KNDC1: variants seen among roughly 807,000 people sequenced by gnomAD.
KNDC1 encodes the protein kinase non-catalytic C-lobe domain containing 1.
KNDC1 carries 106 observed loss-of-function variants against 172.8 expected under a neutral mutation model. The observed-to-expected ratio is 0.61, with a 90% CI of 0.52 to 0.72. KNDC1 has a LOEUF of 0.72. KNDC1 is among the 30% of genes least tolerant of loss of function. KNDC1 has a pLI of 0.00. For synonymous variants in KNDC1, 1,083 were observed against 1,062.2 expected (o/e 1.02, Z -0.38); for missense variants, 2,325 against 2,394.5 (o/e 0.97, Z 0.61).
chr10:133,182,081 C>G (rs1432882168), intron 3 of KNDC1, among the ~76,000 whole-genome samples: 3 of 152,128 alleles, frequency 2.0e-5, no homozygotes, highest in Non-Finnish European at 2.9e-5. Context: ...CTGGCTGGGT[C>G]CCTGCAGCCT....
chr10:133,167,610 C>G, intron 2 of KNDC1, 31 bp downstream of exon 2: 1 of 1,545,460 alleles, frequency 6.5e-7, no homozygotes, highest in Non-Finnish European at 8.7e-7. Flanking sequence ...GCGGCGGCGG[C>G]GGGCACGCGG....
intron 17 of KNDC1, among the ~76,000 whole-genome samples, chr10:133,206,293 C>T (rs1845191270): frequency 6.6e-6 from 1 of 152,282 alleles, no homozygotes; most frequent in African/African-American, 2.4e-5. Context: ...CTGCCACCCC[C>T]TGCCCCCAGC....
At position 133,220,029 on chromosome 10, in the gene KNDC1, C is replaced by G; in HGVS notation, c.4935C>G (p.Ala1645=). The G allele has an allele frequency of 6.4e-7, 1 of 1,556,266 alleles. No homozygotes were observed. The highest frequency in any genetic ancestry group is 8.7e-7 in the Non-Finnish European group (1 of 1,149,866). Residue 1645 remains alanine (A), a synonymous_variant, in exon 29 of 30, where the codon GCC becomes GCG. Transcript: ENST00000304613. ...RFRAQPTLPS[A]HLLAMHIQQL... ...GGGCGCAGCCCACCCTGCCCTCGGC[C>G]CACCTCCTGGCCATGCACATCCAGC...
Position 133,167,374 on chromosome 10 carries a change from T to G in KNDC1, c.103-7T>G, listed in dbSNP as rs1205179487. 3.2e-6 allele frequency: 5 copies of G among 1,570,994 alleles called. No homozygotes were observed. The highest frequency in any genetic ancestry group is 4.3e-6 in the Non-Finnish European group (5 of 1,158,860). ...GCCGGGCTCACGGCCAGGGCCGGTCTTGGCAGGAGAACGTGTCTCTGGCTG... is the reference window on the plus strand; with the variant it reads ...GCCGGGCTCACGGCCAGGGCCGGTCGTGGCAGGAGAACGTGTCTCTGGCTG... On this transcript the variant is annotated splice_polypyrimidine_tract_variant and splice_region_variant and intron_variant, in intron 1 of 29. Transcript: ENST00000304613.
chr10:133,224,623 T>G lies in KNDC1; in HGVS notation c.5019-36T>G, dbSNP rs541661554. On this transcript the variant is annotated intron_variant, in intron 29 of 29. Transcript: ENST00000304613. The surrounding 1 kb of genome is among the most constrained non-coding windows in gnomAD (Gnocchi z 5.4). ...CCCCACGGAAGCCGCGCCCCTGCCC[T>G]GTGCAAACTAACGTCTCTTCTTTCC... The G allele has an allele frequency of 6.4e-7, 1 of 1,556,110 alleles. No individual in the cohort carries two copies. Among genetic ancestry groups the G allele is most frequent in the African/African-American group, 1.4e-5 (1 of 73,908 alleles).
At chr10:133,166,027 G>T (rs907291525) in intron 1 of KNDC1, among the ~76,000 whole-genome samples, 2 of 152,240 alleles carry the variant, frequency 1.3e-5, no homozygotes, top group African/African-American at 2.4e-5. Context: ...GGGCGCCCAT[G>T]CCCTGATCCC....
rs763603914 is a variant in KNDC1, at chr10:133,201,884, G to A, written c.3373G>A (p.Asp1125Asn). 45 of 1,469,200 alleles carry A rather than the reference G, an allele frequency of 3.1e-5. No homozygotes were observed. The highest frequency in any genetic ancestry group is 7.4e-5 in the East Asian group (3 of 40,616). 91.0% of individuals were successfully genotyped at this position (1,469,200 alleles called of 1,614,324 possible). The change falls in exon 17 of 30, where the codon GAC (aspartate) becomes AAC (asparagine). Residue 1125 changes from aspartate to asparagine, a missense_variant. Coordinates refer to ENST00000304613, the MANE Select transcript of KNDC1 (RefSeq NM_152643.8). ...GCAGCAGGCGGACGGGGCCCTGCCC[G>A]ACGCCCAGAGCCCGGTGAGTCCCAG... is the stretch of plus-strand genomic sequence containing the variant. ...GRQQADGALPDAQSPELEQQL... is the reference protein window; with the variant it reads ...GRQQADGALPNAQSPELEQQL...
chr10:133,175,144 G>C (rs529728104), intron 3 of KNDC1, among the ~76,000 whole-genome samples: 1 of 150,904 alleles, frequency 6.6e-6, no homozygotes, highest in East Asian at 2.0e-4. Flanking sequence ...TGGGTGGATG[G>C]GTGGATGAAA....
At chr10:133,195,619 C>T in intron 9 of KNDC1, 44 bp from the exon 10 acceptor site, 14 of 1,478,422 alleles carry the variant, frequency 9.5e-6, no homozygotes, top group Non-Finnish European at 1.2e-5. Flanking sequence ...GGCACAGCAG[C>T]CCACAGCCCT....
In KNDC1 at chr10:133,183,380, G is replaced by C; in HGVS notation, c.397G>C (p.Ala133Pro). 3.8e-6 allele frequency: 6 copies of C among 1,596,234 alleles called. No homozygotes were observed. The highest frequency in any genetic ancestry group is 5.1e-6 in the Non-Finnish European group (6 of 1,173,296). ...CTCTCTGGGGGCCACGCTGAAGGCC[G>C]CCCTCGAGTACGTGGCAGAGCCCAC... The part of the protein sequence containing the change: ...IYSLGATLKA[A>P]LEYVAEPTLE... Residue 133 changes from alanine (A) to proline (P), a missense_variant, in exon 4 of 30, where the codon GCC becomes CCC. By Grantham distance (27) the Ala-to-Pro change is conservative. Coordinates refer to ENST00000304613, the MANE Select transcript of KNDC1 (RefSeq NM_152643.8).
rs529950344 is a variant in KNDC1 at position 133,160,451 on chromosome 10, C to A, written c.-17C>A. The A allele has an allele frequency of 1.3e-4, 198 of 1,496,830 alleles. 1 individual carries two copies. In the South Asian group the frequency reaches 2.3e-3, roughly 17 times the overall value. 92.7% of individuals were successfully genotyped at this position (1,496,830 alleles called of 1,614,324 possible). ...CCAGCCGGAGGCCCCGGGGGCGGTG[C>A]GCGGCGCGGCCGCAGGATGCAGGCC... On this transcript the variant is annotated 5_prime_UTR_variant, in exon 1 of 30. Transcript: ENST00000304613.
chr10:133,180,897 TTACTC>T (rs1169072287), intron 3 of KNDC1, among the ~76,000 whole-genome samples: 5 of 152,230 alleles, frequency 3.3e-5, no homozygotes, highest in Non-Finnish European at 5.9e-5. Flanking sequence ...ACGAGTGAGT[TTACTC>T]TAACAGATTG....
At position 133,219,082 on chromosome 10, in the gene KNDC1, G is replaced by A; in HGVS notation, c.4852G>A (p.Ala1618Thr). 6.2e-7 allele frequency: 1 copy of A among 1,613,782 alleles called. No individual in the cohort carries two copies. The highest frequency in any genetic ancestry group is 8.5e-7 in the Non-Finnish European group (1 of 1,179,906). The change falls in exon 28 of 30, where the codon GCC (alanine) becomes ACC (threonine). Residue 1618 changes from alanine (A) to threonine (T), a missense_variant. Transcript: ENST00000304613. Reference sequence around the variant, plus strand: ...AGCAGAGGTCATGGAGGAGCTGAAAGCCGTGGAGGTACCAGCACTTTACGT... The same window carrying A: ...AGCAGAGGTCATGGAGGAGCTGAAAACCGTGGAGGTACCAGCACTTTACGT... ...KIAEVMEELK[A>T]VEVFLKSDSL...
chr10:133,164,354 C>G (rs1853077878), intron 1 of KNDC1: 1 of 152,346 alleles, frequency 6.6e-6, no homozygotes, highest in African/African-American at 2.4e-5. Flanking sequence ...GACGGAGTCA[C>G]TGAAAGCTGG....
intron 15 of KNDC1, among the ~76,000 whole-genome samples, chr10:133,199,889 T>C (rs1367771221): frequency 1.3e-5 from 2 of 152,126 alleles, no homozygotes; most frequent in Non-Finnish European, 2.9e-5. Flanking sequence ...GCAGGGGGCC[T>C]GGGCAGTGAT....
intron 16 of KNDC1, among the ~76,000 whole-genome samples, chr10:133,200,790 G>A (rs535741311): frequency 1.3e-3 from 195 of 152,342 alleles, no homozygotes; most frequent in African/African-American, 4.5e-3. Context: ...GGGAGCCGCC[G>A]GGAGCCAGGT....
Position 133,198,386 on chromosome 10 carries a change from C to T in KNDC1, c.1956C>T (p.Pro652=), listed in dbSNP as rs150239103. ...SDTGLVAVPG[P]VPGQHPCGEE... is the part of the protein sequence containing the mutation. ...CCGGGCTTGTGGCTGTGCCAGGGCC[C>T]GTGCCCGGCCAGCACCCCTGCGGTG... The change falls in exon 13 of 30, where the codon CCC becomes CCT. Residue 652 remains proline (P), a synonymous_variant. Coordinates refer to ENST00000304613, the MANE Select transcript of KNDC1 (RefSeq NM_152643.8). The T allele has an allele frequency of 7.5e-6, 12 of 1,597,338 alleles. No individual in the cohort carries two copies. The highest frequency in any genetic ancestry group is 5.4e-5 in the African/African-American group (4 of 74,672).
rs775858785 is a variant in KNDC1, at chr10:133,198,322, C to A, written c.1907-15C>A. 1.3e-6 allele frequency: 2 copies of A among 1,554,006 alleles called. No individual in the cohort carries two copies. The highest frequency in any genetic ancestry group is 2.4e-5 in the East Asian group (1 of 42,114). ...CACTCCGCCCGCCCACACCCTCAGCCCCCTGGCTCCCCAGGCTTCCTGCCG... is the reference window on the plus strand; with the variant it reads ...CACTCCGCCCGCCCACACCCTCAGCACCCTGGCTCCCCAGGCTTCCTGCCG... On this transcript the variant is annotated splice_polypyrimidine_tract_variant and intron_variant, in intron 12 of 29. Coordinates refer to ENST00000304613, the MANE Select transcript of KNDC1 (RefSeq NM_152643.8).
chr10:133,199,655 C>T, intron 15 of KNDC1, 53 bp downstream of exon 15: 1 of 1,585,070 alleles, frequency 6.3e-7, no homozygotes, highest in Non-Finnish European at 8.6e-7. Context: ...GCCCACTGTG[C>T]CTGGGCTCTG....
Sources: allele counts gnomAD v4.1 joint callset (sites outside exome capture counted in the v4.1 genomes callset), GRCh38; gene constraint gnomAD v4.1.1; non-coding constraint Gnocchi (gnomAD v3.1); transcripts MANE v1.5; gene names NCBI Gene and HGNC (gene_info 2026-07-23, HGNC 2026-07-21).